ATXN8OS: variants seen among roughly 807,000 people sequenced by gnomAD.
The protein encoded by ATXN8OS is ATXN8 opposite strand lncRNA, also known as ATXN8 opposite strand (non-protein coding).
chr13:70,123,012 ATAAAT>A (rs1321647663), intron 2 of ATXN8OS, among the ~76,000 whole-genome samples: 8 of 152,014 alleles, frequency 5.3e-5, no homozygotes, highest in African/African-American at 1.9e-4. Flanking sequence ...TTGTGGAAAA[ATAAAT>A]TAAATATATA....
Position 70,164,331 on chromosome 13 carries a change from C to G in ATXN8OS, n.574-5422C>G, listed in dbSNP as rs1293227010. 2.0e-5 allele frequency among the ~76,000 whole-genome samples: 3 copies of G among 151,704 alleles called. No individual in the cohort carries two copies. The East Asian group carries it at 5.8e-4, about 29-fold the overall frequency. On this transcript the variant is annotated intron_variant and non_coding_transcript_variant, in intron 4 of 4. Transcript: ENST00000678624. ...TATCCCTCTCCCCTCTTTACATCTT[C>G]CTTCTCCTCCTCTTTCTCTTTACAA...
At chr13:70,128,342 A>T (rs1396566216) in intron 2 of ATXN8OS, among the ~76,000 whole-genome samples, 1 of 152,100 alleles carries the variant, frequency 6.6e-6, no homozygotes, top group Non-Finnish European at 1.5e-5. Context: ...GTTCATACCC[A>T]CTGTTCTTTC....
intron 4 of ATXN8OS, among the ~76,000 whole-genome samples, chr13:70,153,448 G>C (rs976987612): frequency 2.3e-4 from 35 of 152,106 alleles, no homozygotes; most frequent in Non-Finnish European, 4.0e-4. Context: ...GGCAGTGTGC[G>C]CCTGTGATCC....
intron 2 of ATXN8OS, among the ~76,000 whole-genome samples, chr13:70,127,972 T>G (rs1888467614): frequency 6.6e-6 from 1 of 152,034 alleles, no homozygotes. Flanking sequence ...GTACTTTCAT[T>G]TTATGTTGTT....
At chr13:70,129,056 C>T (rs1865287139) in intron 2 of ATXN8OS, among the ~76,000 whole-genome samples, 1 of 152,070 alleles carries the variant, frequency 6.6e-6, no homozygotes, top group Non-Finnish European at 1.5e-5. Context: ...GACAGGGTTT[C>T]ACCATGTTGG....
chr13:70,121,446 T>C (rs994901982), intron 2 of ATXN8OS, among the ~76,000 whole-genome samples: 1 of 152,078 alleles, frequency 6.6e-6, no homozygotes, highest in South Asian at 2.1e-4. Context: ...GTGTATAATT[T>C]AAGATTTTAA....
intron 4 of ATXN8OS, among the ~76,000 whole-genome samples, chr13:70,148,848 G>T (rs942737910): frequency 6.6e-6 from 1 of 152,042 alleles, no homozygotes; most frequent in African/African-American, 2.4e-5. Context: ...CTATCAATAG[G>T]CTTATGCAGA....
In ATXN8OS at chr13:70,157,775, C is replaced by A. The variant is rs1888955884; in HGVS notation, n.573+10347C>A. Among the ~76,000 whole-genome samples, 8 of 152,290 alleles carry A rather than the reference C, an allele frequency of 5.3e-5. No individual in the cohort carries two copies. The South Asian group carries it at 1.7e-3, about 32-fold the overall frequency. ...ACAGCAGACAGTTCCCTGACTCCAACTGGCCTAACTTAATCTTTGATCTTC... is the reference window on the plus strand; with the variant it reads ...ACAGCAGACAGTTCCCTGACTCCAAATGGCCTAACTTAATCTTTGATCTTC... On this transcript the variant is annotated intron_variant and non_coding_transcript_variant, in intron 4 of 4. Transcript: ENST00000678624.
intron 3 of ATXN8OS, chr13:70,131,607 T>C (rs1323726310): frequency 5.0e-6 from 2 of 397,338 alleles, no homozygotes; most frequent in Non-Finnish European, 8.9e-6. Flanking sequence ...CTCAGTTCAG[T>C]TCATTCTCCT....
chr13:70,169,884 A>G (rs1289839775), exon 5 of ATXN8OS, among the ~76,000 whole-genome samples: 2 of 151,980 alleles, frequency 1.3e-5, no homozygotes, highest in African/African-American at 2.4e-5. Context: ...CCAGCTCCAC[A>G]CCACCTCCTG....
chr13:70,134,299 T>C (rs1294793649), intron 3 of ATXN8OS, among the ~76,000 whole-genome samples: 2 of 152,210 alleles, frequency 1.3e-5, no homozygotes, highest in African/African-American at 2.4e-5. Flanking sequence ...CACAGAAAAC[T>C]GAGTGAAGCA....
chr13:70,123,793 G>C (rs1888392520), intron 2 of ATXN8OS, among the ~76,000 whole-genome samples: 1 of 151,984 alleles, frequency 6.6e-6, no homozygotes, highest in African/African-American at 2.4e-5. Context: ...TAGTGCCTGA[G>C]GTTGTCACCA....
intron 3 of ATXN8OS, among the ~76,000 whole-genome samples, chr13:70,144,250 T>C (rs1289110295): frequency 6.6e-6 from 1 of 152,126 alleles, no homozygotes; most frequent in African/African-American, 2.4e-5. Context: ...TCTCCATCCG[T>C]TTACATTTCG....
chr13:70,111,419 T>C (rs371438622), intron 1 of ATXN8OS, among the ~76,000 whole-genome samples: 2 of 152,072 alleles, frequency 1.3e-5, no homozygotes, highest in South Asian at 4.1e-4. Flanking sequence ...CTCTGCAGAG[T>C]CCTGGAGCTG....
At chr13:70,141,288 A>G (rs561565248) in intron 3 of ATXN8OS, among the ~76,000 whole-genome samples, 6 of 152,284 alleles carry the variant, frequency 3.9e-5, no homozygotes, top group East Asian at 1.9e-4. Flanking sequence ...TATTAAATCT[A>G]TAGTGTCTGT....
intron 3 of ATXN8OS, among the ~76,000 whole-genome samples, chr13:70,140,219 T>C (rs1888691678): frequency 6.6e-6 from 1 of 152,112 alleles, no homozygotes; most frequent in African/African-American, 2.4e-5. Context: ...CATGTGGAAA[T>C]TATAATAAAA....
chr13:70,109,649 A>C (rs181797639), intron 1 of ATXN8OS, among the ~76,000 whole-genome samples: 26 of 152,274 alleles, frequency 1.7e-4, no homozygotes, highest in Admixed American at 1.6e-3. Flanking sequence ...CTGGACTGCA[A>C]TCCCTTGTGC....
At chr13:70,107,565 G>T (rs761796623), upstream of ATXN8OS, 1 of 1,605,870 alleles carries the variant, frequency 6.2e-7, no homozygotes, top group Non-Finnish European at 8.5e-7. Flanking sequence ...AGTGCTCAAA[G>T]CTGCCACTGC....
chr13:70,169,874 C>T (rs1279866274), exon 5 of ATXN8OS, among the ~76,000 whole-genome samples: 2 of 152,056 alleles, frequency 1.3e-5, no homozygotes, highest in Non-Finnish European at 2.9e-5. Flanking sequence ...AAGAACCATC[C>T]CAGCTCCACA....
Sources: gnomAD v4.1 joint callset for allele counts (sites outside exome capture counted in the v4.1 genomes callset) on GRCh38, gnomAD v4.1.1 for gene constraint, MANE v1.5 for transcripts, NCBI Gene and HGNC (gene_info 2026-07-23, HGNC 2026-07-21) for gene names.